Variants in VWA3A observed in about 807,000 individuals in gnomAD.
VWA3A encodes von Willebrand factor A domain containing 3A.
Under a neutral mutation model 160.4 loss-of-function variants are expected in VWA3A, and 134 were observed. The observed-to-expected ratio is 0.84, with a 90% confidence interval of 0.73 to 0.96. The LOEUF is 0.96. VWA3A is among the 40% of genes least tolerant of loss of function. The pLI, the probability that VWA3A is intolerant of heterozygous loss-of-function variation, is 0.00. For missense variants in VWA3A, 1,310 were observed against 1,447.9 expected (o/e 0.90, Z 1.55); for synonymous variants, 476 against 543.4 (o/e 0.88, Z 1.72).
At chr16:22,125,167 C>G (rs1488357771) in intron 16 of VWA3A, among the ~76,000 whole-genome samples, 4 of 148,104 alleles carry the variant, frequency 2.7e-5, no homozygotes, top group African/African-American at 1.0e-4. Context: ...CACTTGAGGC[C>G]AGGAGTTCAA....
rs529167800 is a variant in VWA3A, at chr16:22,125,713, G to A, written c.1533-465G>A. ...GCTGGGATTACAGGCGTGAGCCACC[G>A]CGCCCGGCCTTATATATTTGTTCTT... is the stretch of plus-strand genomic sequence containing the variant. On this transcript the variant is annotated intron_variant, in intron 16 of 33. Transcript: ENST00000389398. Among the ~76,000 whole-genome samples, 15 of 152,156 alleles carry A rather than the reference G, an allele frequency of 9.9e-5. No homozygotes were observed. The South Asian group carries it at 2.9e-3, about 29-fold the overall frequency.
intron 9 of VWA3A, among the ~76,000 whole-genome samples, chr16:22,115,898 GAAGGAAGGAAGGAAGGAAGGAAGGA>G (rs2045627428): frequency 1.3e-4 from 5 of 38,640 alleles, no homozygotes; most frequent in African/African-American, 3.4e-4. Context: ...AGGAAGGAAG[GAAGGAAGGAAGGAAGGAAGGAAGGA>G]AAGGAAAGGA....
intron 16 of VWA3A, 107 bp downstream of exon 16, chr16:22,123,814 AT>A: frequency 9.5e-7 from 1 of 1,048,050 alleles, no homozygotes; most frequent in Non-Finnish European, 1.4e-6. Context: ...CATCACTTAG[AT>A]TAGGGATTAG....
At chr16:22,155,732 C>T (rs1020960517) in intron 32 of VWA3A, 68 bp downstream of exon 32, 12 of 1,599,624 alleles carry the variant, frequency 7.5e-6, no homozygotes, top group East Asian at 6.7e-5. Context: ...CGGACCCCAT[C>T]GAGAAGGGCC....
At chr16:22,098,104 T>G (rs2045352460) in intron 3 of VWA3A, among the ~76,000 whole-genome samples, 1 of 152,202 alleles carries the variant, frequency 6.6e-6, no homozygotes, top group Non-Finnish European at 1.5e-5. Context: ...CTGACCAGAC[T>G]ACGATTTTAG....
At chr16:22,103,283 G>T (rs181235092) in intron 5 of VWA3A, among the ~76,000 whole-genome samples, 192 bp from the exon 6 acceptor site, 2 of 151,770 alleles carry the variant, frequency 1.3e-5, no homozygotes, top group Non-Finnish European at 2.9e-5. Flanking sequence ...ATCCTCCCAC[G>T]TCAGGCTCCT....
Position 22,146,320 on chromosome 16 carries a change from C to A in VWA3A, c.2815C>A (p.Gln939Lys), listed in dbSNP as rs769854662. The change falls in exon 27 of 34, where the codon CAG becomes AAG. Residue 939 changes from glutamine (Q) to lysine (K), a missense_variant. Coordinates refer to ENST00000389398, the MANE Select transcript of VWA3A (RefSeq NM_173615.5). ...GGAGAAGGTGTTAAGGCGCTATGTC[C>A]AGAGGCTGCAGTGGCTGCTGTCCGG... is the stretch of plus-strand genomic sequence containing the variant. ...HLEKVLRRYV[Q>K]RLQWLLSGSR... 1.2e-6 allele frequency: 2 copies of A among 1,613,314 alleles called. No individual in the cohort carries two copies. The highest frequency in any genetic ancestry group is 3.3e-5 in the Admixed American group (2 of 59,970).
rs201864064 is a variant in VWA3A, at chr16:22,118,914, C to T, written c.1003C>T (p.Arg335Trp). ...TTGCCACCCTCAGCACTACACCAGC[C>T]GGGACATGGATGAGCTCCTGGCAGA... is the stretch of plus-strand genomic sequence containing the variant. ...YSPKMEHYTS[R>W]DMDELLAEIQ... The change falls in exon 12 of 34, where the codon CGG (arginine) becomes TGG (tryptophan). Residue 335 changes from arginine to tryptophan, a missense_variant. Coordinates refer to ENST00000389398, the MANE Select transcript of VWA3A (RefSeq NM_173615.5). 2,112 of 1,613,884 alleles carry T rather than the reference C, an allele frequency of 1.3e-3. 8 individuals carry two copies. Among genetic ancestry groups the T allele is most frequent in the Middle Eastern group, 7.6e-3 (46 of 6,062 alleles).
At chr16:22,112,737 T>TAG (rs536222572) in intron 8 of VWA3A, among the ~76,000 whole-genome samples, 1 of 148,426 alleles carries the variant, frequency 6.7e-6, no homozygotes, top group Non-Finnish European at 1.5e-5. Context: ...AGTAAAAAGT[T>TAG]AAAAAAAAAA....
At chr16:22,096,795 C>A (rs552092116) in intron 1 of VWA3A, 64 bp from the exon 2 acceptor site, 5 of 1,045,174 alleles carry the variant, frequency 4.8e-6, no homozygotes, top group Admixed American at 4.5e-5. Context: ...AATATAGATA[C>A]CCCCCAAAAC....
intron 27 of VWA3A, chr16:22,147,751 CGATTTCTTT>C (rs2046279782): frequency 2.9e-6 from 2 of 688,162 alleles, no homozygotes; most frequent in Non-Finnish European, 5.3e-6. Context: ...AGAGATCCAG[CGATTTCTTT>C]TGTAGTATGA....
At position 22,148,384 on chromosome 16, in the gene VWA3A, C is replaced by T; in HGVS notation, c.2984+78C>T. On this transcript the variant is annotated intron_variant, in intron 28 of 33. Coordinates refer to ENST00000389398, the MANE Select transcript of VWA3A (RefSeq NM_173615.5). Reference sequence around the variant, plus strand: ...CCTGGCCAAGCACGCCCCCTCTTCTCAGTGCCAACAGGCCTGGAGTTTCTG... The same window carrying T: ...CCTGGCCAAGCACGCCCCCTCTTCTTAGTGCCAACAGGCCTGGAGTTTCTG... 4.0e-6 allele frequency: 6 copies of T among 1,494,748 alleles called. 1 individual carries two copies. In the South Asian group the frequency reaches 5.3e-5, roughly 13 times the overall value. The allele number at this position is 1,494,748 out of a possible 1,614,324, so 92.6% of individuals were successfully genotyped here.
intron 2 of VWA3A, 78 bp from the exon 3 acceptor site, chr16:22,097,494 G>A: frequency 2.6e-6 from 4 of 1,520,874 alleles, no homozygotes; most frequent in South Asian, 2.5e-5. Context: ...AGGGACTAGG[G>A]CAAAGAGAGG....
chr16:22,121,576 G>T lies in VWA3A; in HGVS notation c.1315G>T (p.Val439Leu), dbSNP rs746459818. ...PNAFSPVEEFVPILQKTVSST... is the reference protein window; with the variant it reads ...PNAFSPVEEFLPILQKTVSST... Reference sequence around the variant, plus strand: ...TGCATTCTCTCCTGTGGAGGAATTTGTACCTATTCTCCAGAAAACAGTATC... The same window carrying T: ...TGCATTCTCTCCTGTGGAGGAATTTTTACCTATTCTCCAGAAAACAGTATC... The change falls in exon 14 of 34, where the codon GTA becomes TTA. Residue 439 changes from valine to leucine, a missense_variant. By Grantham distance (32) the Val-to-Leu change is conservative. Coordinates refer to ENST00000389398, the MANE Select transcript of VWA3A (RefSeq NM_173615.5). 4 of 1,613,556 alleles carry T rather than the reference G, an allele frequency of 2.5e-6. No homozygotes were observed. The highest frequency in any genetic ancestry group is 3.4e-6 in the Non-Finnish European group (4 of 1,179,694).
intron 6 of VWA3A, among the ~76,000 whole-genome samples, chr16:22,104,235 C>T (rs2045449170): frequency 1.3e-5 from 2 of 152,130 alleles, no homozygotes; most frequent in Admixed American, 1.3e-4. Flanking sequence ...GGCCTGTAAT[C>T]CCAGCACATT....
intron 24 of VWA3A, among the ~76,000 whole-genome samples, 171 bp downstream of exon 24, chr16:22,141,863 T>C (rs554029286): frequency 6.6e-6 from 1 of 152,186 alleles, no homozygotes; most frequent in African/African-American, 2.4e-5. Flanking sequence ...GAAATGGACA[T>C]GCAAAGTTTT....
intron 26 of VWA3A, among the ~76,000 whole-genome samples, chr16:22,145,583 G>A (rs1351148069): frequency 6.6e-6 from 1 of 150,448 alleles, no homozygotes; most frequent in Non-Finnish European, 1.5e-5. Context: ...AGGCTGAAGT[G>A]AGCCGAGATC....
In VWA3A at chr16:22,100,445, T is replaced by G; in HGVS notation, c.380T>G (p.Ile127Arg). 1 of 1,551,456 alleles carries G rather than the reference T, an allele frequency of 6.4e-7. No homozygotes were observed. Among genetic ancestry groups the G allele is most frequent in the Middle Eastern group, 1.7e-4 (1 of 5,992 alleles). Reference sequence around the variant, plus strand: ...GAGGGCACCAATGTCGTGCAGAAAATATGTTTCTCCACCCAGATCATCCGC... The same window carrying G: ...GAGGGCACCAATGTCGTGCAGAAAAGATGTTTCTCCACCCAGATCATCCGC... ...LEEGTNVVQK[I>R]CFSTQIIRHF... Residue 127 changes from isoleucine to arginine, a missense_variant, in exon 5 of 34, where the codon ATA becomes AGA. Physicochemically the swap from Ile to Arg is moderately conservative, Grantham distance 97. Transcript: ENST00000389398.
intron 17 of VWA3A, among the ~76,000 whole-genome samples, chr16:22,127,368 C>T (rs1001468406): frequency 2.6e-5 from 4 of 152,090 alleles, no homozygotes; most frequent in Admixed American, 1.3e-4. Context: ...TCAAGTAATC[C>T]GCCTGCCTCA....
Sources: allele counts gnomAD v4.1 joint callset (sites outside exome capture counted in the v4.1 genomes callset), GRCh38; gene constraint gnomAD v4.1.1; transcripts MANE v1.5; gene names NCBI Gene and HGNC (gene_info 2026-07-23, HGNC 2026-07-21).